Variants in PHKG2 observed in about 807,000 individuals in gnomAD.
The protein encoded by PHKG2 is phosphorylase kinase catalytic subunit gamma 2.
A neutral mutation model predicts 44.5 loss-of-function variants in PHKG2; 28 were observed. That is an observed-to-expected ratio of 0.63 (90% confidence interval 0.47 to 0.86). The LOEUF (loss-of-function observed/expected upper bound fraction) is 0.86. PHKG2 is among the 40% of genes least tolerant of loss of function. PHKG2 has a pLI of 0.00. For synonymous variants in PHKG2, 220 were observed against 211.2 expected (o/e 1.04, Z -0.36); for missense variants, 498 against 547.5 (o/e 0.91, Z 0.90).
chr16:30,752,998 A>G, intron 4 of PHKG2: 1 of 592,596 alleles, frequency 1.7e-6, no homozygotes, highest in Non-Finnish European at 3.0e-6. Flanking sequence ...TATTGTCACA[A>G]GAAGTCTCTT....
chr16:30,759,992 T>C lies in PHKG2; in HGVS notation c.*2895T>C, dbSNP rs2053640226. The C allele has an allele frequency of 4.8e-6, 7 of 1,462,862 alleles. No homozygotes were observed. Among genetic ancestry groups the C allele is most frequent in the Non-Finnish European group, 6.3e-6 (7 of 1,114,370 alleles). The allele number at this position is 1,462,862 out of a possible 1,614,324, so 90.6% of individuals were successfully genotyped here. ...ACCAAGAAATAGATCATTTCAGCTA[T>C]TAAACATTCTGAAGCAAGAGCTATT... On this transcript the variant is annotated 3_prime_UTR_variant, in exon 10 of 10. Transcript: ENST00000563588.
chr16:30,754,133 C>G (rs2053386022), intron 6 of PHKG2, among the ~76,000 whole-genome samples: 1 of 152,034 alleles, frequency 6.6e-6, no homozygotes, highest in African/African-American at 2.4e-5. Context: ...TGGGCATTCA[C>G]CTGTGAGGCA....
chr16:30,748,575 TC>T, intron 1 of PHKG2, 85 bp downstream of exon 1: 1 of 550,058 alleles, frequency 1.8e-6, no homozygotes, highest in Non-Finnish European at 3.2e-6. Flanking sequence ...TTGCGCCCCT[TC>T]CCCCTGCCTC....
At position 30,758,808 on chromosome 16, in the gene PHKG2, G is replaced by T; in HGVS notation, c.*1711G>T. 1 of 844,760 alleles carries T rather than the reference G, an allele frequency of 1.2e-6. No homozygotes were observed. Among genetic ancestry groups the T allele is most frequent in the South Asian group, 1.8e-5 (1 of 54,470 alleles). 52.3% of individuals were successfully genotyped at this position (844,760 alleles called of 1,614,324 possible). On this transcript the variant is annotated 3_prime_UTR_variant, in exon 10 of 10. Transcript: ENST00000563588. ...GAGCTCAGGCAATCCGCCTGCCTCAGATTGTGCTGGGATTACAGGTGTGAG... is the reference window on the plus strand; with the variant it reads ...GAGCTCAGGCAATCCGCCTGCCTCATATTGTGCTGGGATTACAGGTGTGAG...
Position 30,748,466 on chromosome 16 carries a change from C to A in PHKG2, c.-43C>A. 2.9e-6 allele frequency: 1 copy of A among 345,542 alleles called. No homozygotes were observed. The highest frequency in any genetic ancestry group is 5.4e-6 in the Non-Finnish European group (1 of 186,504). 21.4% of individuals were successfully genotyped at this position (345,542 alleles called of 1,614,324 possible). On this transcript the variant is annotated 5_prime_UTR_variant, in exon 1 of 10. It adds an upstream start codon to the 5' untranslated region. Coordinates refer to ENST00000563588, the MANE Select transcript of PHKG2 (RefSeq NM_000294.3). ...GGCGACAGCGCAGCTCGCGTCGACC[C>A]TGGCTCCTCTGCCTGCCCCCTCAGG...
intron 1 of PHKG2, 83 bp downstream of exon 1, chr16:30,748,573 CT>C: frequency 1.8e-6 from 1 of 562,990 alleles, no homozygotes; most frequent in South Asian, 2.2e-5. Flanking sequence ...CCTTGCGCCC[CT>C]TCCCCCTGCC....
In PHKG2 at chr16:30,753,539, C is replaced by T; in HGVS notation, c.538C>T (p.Pro180Ser). The part of the protein sequence containing the change: ...SDFGFSCHLE[P>S]GEKLRELCGT... Reference sequence around the variant, plus strand: ...TTTCGGGTTCTCCTGCCACTTGGAACCTGGCGAGAAGCTTCGAGGTGAGGG... The same window carrying T: ...TTTCGGGTTCTCCTGCCACTTGGAATCTGGCGAGAAGCTTCGAGGTGAGGG... Residue 180 changes from proline (P) to serine (S), a missense_variant, in exon 6 of 10, where the codon CCT (proline) becomes TCT (serine). Pro to Ser is a moderately conservative substitution (Grantham distance 74). Coordinates refer to ENST00000563588, the MANE Select transcript of PHKG2 (RefSeq NM_000294.3). 1 of 1,614,102 alleles carries T rather than the reference C, an allele frequency of 6.2e-7. No individual in the cohort carries two copies. The highest frequency in any genetic ancestry group is 8.5e-7 in the Non-Finnish European group (1 of 1,179,996).
chr16:30,760,773 G>T lies in PHKG2; in HGVS notation c.*3676G>T. The T allele has an allele frequency of 2.0e-6, 2 of 1,021,662 alleles. No homozygotes were observed. The highest frequency in any genetic ancestry group is 1.5e-6 in the Non-Finnish European group (1 of 671,012). 63.3% of individuals were successfully genotyped at this position (1,021,662 alleles called of 1,614,324 possible). A position where few individuals can be genotyped will look rare whatever the true frequency, so the allele number is the denominator to read the frequency against. ...GAGTTGGCCACCGGCGTGAAGCTGGGCTCTTTTGCCAGCTTGCTGTGTGAC... is the reference window on the plus strand; with the variant it reads ...GAGTTGGCCACCGGCGTGAAGCTGGTCTCTTTTGCCAGCTTGCTGTGTGAC... On this transcript the variant is annotated 3_prime_UTR_variant, in exon 10 of 10. Coordinates refer to ENST00000563588, the MANE Select transcript of PHKG2 (RefSeq NM_000294.3).
chr16:30,748,610 T>C (rs1390110854), intron 1 of PHKG2, 120 bp downstream of exon 1: 16 of 434,008 alleles, frequency 3.7e-5, no homozygotes, highest in South Asian at 1.0e-4. Context: ...CCCACTCCCC[T>C]CCCTGCCCTG....
Position 30,761,145 on chromosome 16 carries a change from G to T in PHKG2, c.*4048G>T. 6.3e-7 allele frequency: 1 copy of T among 1,596,104 alleles called. No individual in the cohort carries two copies. The highest frequency in any genetic ancestry group is 1.1e-5 in the South Asian group (1 of 90,054). Reference sequence around the variant, plus strand: ...CCTGGCCACAGACAGGACTGTTGGGGAGACAATAAAGAACGCAAATATTCA... The same window carrying T: ...CCTGGCCACAGACAGGACTGTTGGGTAGACAATAAAGAACGCAAATATTCA... On this transcript the variant is annotated 3_prime_UTR_variant, in exon 10 of 10. Coordinates refer to ENST00000563588, the MANE Select transcript of PHKG2 (RefSeq NM_000294.3).
rs755201655 is a variant in PHKG2 at position 30,759,161 on chromosome 16, C to A, written c.*2064C>A. ...AGGCCTGGCCCAGCCCAGCCCTGCCCTGGCACTCTCCCTTACCCGTCTCAC... is the reference window on the plus strand; with the variant it reads ...AGGCCTGGCCCAGCCCAGCCCTGCCATGGCACTCTCCCTTACCCGTCTCAC... On this transcript the variant is annotated 3_prime_UTR_variant, in exon 10 of 10. Coordinates refer to ENST00000563588, the MANE Select transcript of PHKG2 (RefSeq NM_000294.3). 6.8e-6 allele frequency: 11 copies of A among 1,614,212 alleles called. No homozygotes were observed. In the East Asian group the frequency reaches 2.5e-4, roughly 36 times the overall value.
Position 30,757,119 on chromosome 16 carries a change from C to T in PHKG2, c.*22C>T, listed in dbSNP as rs372172604. 8.1e-5 allele frequency: 131 copies of T among 1,612,512 alleles called. No homozygotes were observed. The East Asian group carries it at 1.1e-3, about 13-fold the overall frequency. On this transcript the variant is annotated 3_prime_UTR_variant, in exon 10 of 10. Coordinates refer to ENST00000563588, the MANE Select transcript of PHKG2 (RefSeq NM_000294.3). ...CTAGGACCTCAACCCCAGGGATTCCCAGGAAGCAGAACTCTCCAGAAGAAG... is the reference window on the plus strand; with the variant it reads ...CTAGGACCTCAACCCCAGGGATTCCTAGGAAGCAGAACTCTCCAGAAGAAG...
At chr16:30,750,249 C>A (rs2151306497) in intron 2 of PHKG2, among the ~76,000 whole-genome samples, 1 of 152,268 alleles carries the variant, frequency 6.6e-6, no homozygotes, top group South Asian at 2.1e-4. Flanking sequence ...CGTAACACAT[C>A]TGAGGGCTGT....
intron 3 of PHKG2, 59 bp downstream of exon 3, chr16:30,751,340 C>T: frequency 6.4e-7 from 1 of 1,557,526 alleles, no homozygotes. Context: ...GCTGGCCCTG[C>T]CCATAGCCCA....
chr16:30,757,449 G>C lies in PHKG2; in HGVS notation c.*352G>C, dbSNP rs373040790. ...GCAGGGATGGTGCCATTCTGGCCCA[G>C]ACCTTTATTGGGGAAAATGTTGGGG... On this transcript the variant is annotated 3_prime_UTR_variant, in exon 10 of 10. Coordinates refer to ENST00000563588, the MANE Select transcript of PHKG2 (RefSeq NM_000294.3). The C allele has an allele frequency of 2.5e-6, 4 of 1,603,452 alleles. No homozygotes were observed. Among genetic ancestry groups the C allele is most frequent in the Non-Finnish European group, 3.4e-6 (4 of 1,173,406 alleles).
rs764487886 is a variant in PHKG2, at chr16:30,760,256, C to A, written c.*3159C>A. 6 of 1,613,890 alleles carry A rather than the reference C, an allele frequency of 3.7e-6. No individual in the cohort carries two copies. In the South Asian group the frequency reaches 6.6e-5, roughly 18 times the overall value. ...GGCCCGGTTCCTCTTCTCCCTGGGGCTCAAACCTGGTAGCTGCCCCCTCTC... is the reference window on the plus strand; with the variant it reads ...GGCCCGGTTCCTCTTCTCCCTGGGGATCAAACCTGGTAGCTGCCCCCTCTC... On this transcript the variant is annotated 3_prime_UTR_variant, in exon 10 of 10. Transcript: ENST00000563588.
At chr16:30,753,949 G>T (rs1596683740) in intron 6 of PHKG2, among the ~76,000 whole-genome samples, 1 of 152,210 alleles carries the variant, frequency 6.6e-6, no homozygotes, top group Non-Finnish European at 1.5e-5. Context: ...TCCCACCTGG[G>T]CCCTGGGCCT....
At chr16:30,753,680 G>A in intron 6 of PHKG2, 123 bp downstream of exon 6, 2 of 943,264 alleles carry the variant, frequency 2.1e-6, no homozygotes, top group South Asian at 1.5e-5. Flanking sequence ...TTGGGCACTT[G>A]CCAAGTATCC....
chr16:30,759,294 AG>A lies in PHKG2; in HGVS notation c.*2201del. The A allele has an allele frequency of 6.2e-7, 1 of 1,613,002 alleles. No individual in the cohort carries two copies. The highest frequency in any genetic ancestry group is 8.5e-7 in the Non-Finnish European group (1 of 1,179,156). On this transcript the variant is annotated 3_prime_UTR_variant, in exon 10 of 10. Transcript: ENST00000563588. ...GGCTGAAAGGAGTGCACCTGTGCTG[AG>A]GGGAGGGGCGGTTGAGGGTGGCTCC...
Sources: gnomAD v4.1 joint callset for allele counts (sites outside exome capture counted in the v4.1 genomes callset) on GRCh38, gnomAD v4.1.1 for gene constraint, MANE v1.5 for transcripts, NCBI Gene and HGNC (gene_info 2026-07-23, HGNC 2026-07-21) for gene names.